Variants in SLC9A9 observed in about 807,000 individuals in gnomAD.
The protein encoded by SLC9A9 is solute carrier family 9 member A9.
SLC9A9 carries 62 observed loss-of-function variants against 77.8 expected under a neutral mutation model. That is an observed-to-expected ratio of 0.80 (90% CI 0.65 to 0.98). The LOEUF is 0.98. Ranked by LOEUF, SLC9A9 falls within the 50% of genes least tolerant of loss-of-function variation. SLC9A9 has a pLI of 0.00. For synonymous variants in SLC9A9, 320 were observed against 283.5 expected (o/e 1.13, Z -1.29); for missense variants, 775 against 774.9 (o/e 1.00, Z 0.00).
intron 5 of SLC9A9, among the ~76,000 whole-genome samples, chr3:143,686,838 C>T (rs1311695323): frequency 6.6e-6 from 1 of 152,118 alleles, no homozygotes; most frequent in Non-Finnish European, 1.5e-5. Flanking sequence ...CTATTTCCAG[C>T]TGTTTGGGCT....
At chr3:143,477,877 G>A (rs1371816743) in intron 11 of SLC9A9, among the ~76,000 whole-genome samples, 4 of 152,176 alleles carry the variant, frequency 2.6e-5, no homozygotes, top group Non-Finnish European at 2.9e-5. Context: ...TGAGTTCTAA[G>A]GACAGTTGAA....
At chr3:143,267,122 G>A (rs2108393806) in intron 15 of SLC9A9, among the ~76,000 whole-genome samples, 193 bp from the exon 16 acceptor site, 1 of 152,052 alleles carries the variant, frequency 6.6e-6, no homozygotes, top group South Asian at 2.1e-4. Context: ...ATCTGATGCT[G>A]TACAGCCATA....
intron 15 of SLC9A9, 152 bp from the exon 16 acceptor site, chr3:143,267,081 G>A (rs1159621464): frequency 1.6e-5 from 12 of 728,746 alleles, no homozygotes; most frequent in Admixed American, 4.3e-5. Context: ...CTGCAGGCAT[G>A]GTACAGCCTT....
At chr3:143,292,275 C>G (rs1389588147) in intron 14 of SLC9A9, among the ~76,000 whole-genome samples, 1 of 152,186 alleles carries the variant, frequency 6.6e-6, no homozygotes, top group Non-Finnish European at 1.5e-5. Flanking sequence ...CCAAGCAATT[C>G]CAGCTCCAGT....
chr3:143,601,208 T>C (rs142729592), intron 6 of SLC9A9, among the ~76,000 whole-genome samples: 87 of 152,286 alleles, frequency 5.7e-4, no homozygotes, highest in African/African-American at 2.0e-3. Context: ...GGCCCTATTG[T>C]AGGTGCTGGA....
rs1196237095 is a variant in SLC9A9, at chr3:143,373,819, G to T, written c.1524+8241C>A. 2.0e-5 allele frequency among the ~76,000 whole-genome samples: 3 copies of T among 151,886 alleles called. No individual in the cohort carries two copies. The East Asian group carries it at 5.8e-4, about 29-fold the overall frequency. ...ATAGACTAATACCTAAGTGATATGA[G>T]AAAAAAATATTAAGTAGCCTAATGT... On this transcript the variant is annotated intron_variant, in intron 13 of 15. Coordinates refer to ENST00000316549, the MANE Select transcript of SLC9A9 (RefSeq NM_173653.4).
At chr3:143,311,282 C>T (rs1348944108) in intron 14 of SLC9A9, among the ~76,000 whole-genome samples, 2 of 152,206 alleles carry the variant, frequency 1.3e-5, no homozygotes, top group African/African-American at 4.8e-5. Flanking sequence ...TAGGATTTCA[C>T]AGTTGGCCAG....
chr3:143,519,997 T>G (rs2036268860), intron 9 of SLC9A9, among the ~76,000 whole-genome samples: 1 of 152,154 alleles, frequency 6.6e-6, no homozygotes, highest in Non-Finnish European at 1.5e-5. Context: ...CAAATGGATA[T>G]GCAAGACTAC....
chr3:143,781,628 C>T (rs1407613019), intron 4 of SLC9A9, among the ~76,000 whole-genome samples: 2 of 152,132 alleles, frequency 1.3e-5, no homozygotes, highest in Non-Finnish European at 2.9e-5. Context: ...TGAAATCACG[C>T]TTACATTTTT....
At chr3:143,497,496 G>A (rs1242012116) in intron 9 of SLC9A9, among the ~76,000 whole-genome samples, 4 of 152,174 alleles carry the variant, frequency 2.6e-5, no homozygotes, top group Non-Finnish European at 5.9e-5. Context: ...CAAGTTTAAT[G>A]CAGGGAATGC....
At position 143,517,534 on chromosome 3, in the gene SLC9A9, T is replaced by C. The variant is rs2036225877; in HGVS notation, c.1090-22086A>G. ...TTCGCTCATACTTTCTCCGATGTTC[T>C]GCAATTTTCTGTGCCCTAGGTTGAA... On this transcript the variant is annotated intron_variant, in intron 9 of 15. Transcript: ENST00000316549. 1.0e-5 allele frequency: 16 copies of C among 1,597,670 alleles called. No individual in the cohort carries two copies. In the South Asian group the frequency reaches 1.6e-4, roughly 16 times the overall value.
chr3:143,291,451 A>G (rs557148571), intron 14 of SLC9A9, among the ~76,000 whole-genome samples: 1 of 152,220 alleles, frequency 6.6e-6, no homozygotes, highest in East Asian at 1.9e-4. Context: ...ATACCCTCAC[A>G]TCATCTCTCA....
At chr3:143,346,009 G>A (rs1474687260) in intron 14 of SLC9A9, among the ~76,000 whole-genome samples, 1 of 152,086 alleles carries the variant, frequency 6.6e-6, no homozygotes, top group Non-Finnish European at 1.5e-5. Context: ...TAAAGCTACT[G>A]AATGCAAAGA....
At chr3:143,646,470 A>G (rs2038709447) in intron 6 of SLC9A9, among the ~76,000 whole-genome samples, 2 of 149,638 alleles carry the variant, frequency 1.3e-5, no homozygotes, top group Non-Finnish European at 3.0e-5. Flanking sequence ...AAATATAAAT[A>G]TTATATATTA....
intron 14 of SLC9A9, among the ~76,000 whole-genome samples, chr3:143,310,015 C>T (rs1348749971): frequency 6.6e-6 from 1 of 152,210 alleles, no homozygotes; most frequent in Admixed American, 6.5e-5. Flanking sequence ...TAAGTTTGCA[C>T]TTTTCACATG....
intron 8 of SLC9A9, among the ~76,000 whole-genome samples, chr3:143,553,102 C>T (rs1357543510): frequency 6.6e-6 from 1 of 152,204 alleles, no homozygotes; most frequent in East Asian, 1.9e-4. Flanking sequence ...CTGGTCTGTT[C>T]TTGTGTGATT....
intron 6 of SLC9A9, among the ~76,000 whole-genome samples, chr3:143,580,505 T>A (rs2037434492): frequency 6.6e-6 from 1 of 152,212 alleles, no homozygotes; most frequent in African/African-American, 2.4e-5. Flanking sequence ...CCTGTACCAT[T>A]ATTTATGTAC....
At chr3:143,663,065 G>T (rs1216815863) in intron 5 of SLC9A9, among the ~76,000 whole-genome samples, 1 of 152,198 alleles carries the variant, frequency 6.6e-6, no homozygotes, top group Non-Finnish European at 1.5e-5. Context: ...CATACAGCCA[G>T]CTGCCCCTCT....
At chr3:143,352,856 TC>T (rs2032495981) in intron 14 of SLC9A9, among the ~76,000 whole-genome samples, 1 of 152,206 alleles carries the variant, frequency 6.6e-6, no homozygotes, top group African/African-American at 2.4e-5. Flanking sequence ...TTTATTCTTC[TC>T]CCTGTTAGAT....
Sources: allele counts gnomAD v4.1 joint callset (sites outside exome capture counted in the v4.1 genomes callset), GRCh38; gene constraint gnomAD v4.1.1; transcripts MANE v1.5; gene names NCBI Gene and HGNC (gene_info 2026-07-23, HGNC 2026-07-21).